Variants in SLC33A1 observed in about 807,000 individuals in gnomAD.
SLC33A1 encodes acetyl-coenzyme A transporter 1.
Under a neutral mutation model 50.0 loss-of-function variants are expected in SLC33A1, and 20 were observed. That is an observed-to-expected ratio of 0.40 (90% CI 0.28 to 0.58). SLC33A1 has a LOEUF of 0.58. Among genes scored for constraint, SLC33A1 ranks in the 20% least tolerant of loss-of-function variants. The pLI, the probability that SLC33A1 is intolerant of heterozygous loss-of-function variation, is 0.44. For missense variants in SLC33A1, 476 were observed against 657.0 expected (o/e 0.72, Z 3.01); for synonymous variants, 265 against 251.8 (o/e 1.05, Z -0.50).
intron 1 of SLC33A1, chr3:155,843,127 C>T (rs1017871759): frequency 1.3e-5 from 2 of 151,080 alleles, no homozygotes; most frequent in Admixed American, 6.6e-5. Context: ...AAATAGGTGA[C>T]AACAACAACC....
chr3:155,843,561 A>T (rs546424468), intron 1 of SLC33A1, among the ~76,000 whole-genome samples: 10 of 152,328 alleles, frequency 6.6e-5, no homozygotes, highest in African/African-American at 2.4e-4. Context: ...AATGGTCTGG[A>T]AGATTCTGCT....
Position 155,842,430 on chromosome 3 carries a change from A to G in SLC33A1, c.963+2T>C. The G allele has an allele frequency of 6.3e-7, 1 of 1,589,788 alleles. No individual in the cohort carries two copies. Among genetic ancestry groups the G allele is most frequent in the Non-Finnish European group, 8.6e-7 (1 of 1,159,468 alleles). ...GATAAATTTGATTTATAAATCTCTT[A>G]CCTTTGCAGTTAGAATCAGAAGGCA... is the stretch of plus-strand genomic sequence containing the variant. On this transcript the variant is annotated splice_donor_variant, in intron 2 of 5. Coordinates refer to ENST00000643144, the MANE Select transcript of SLC33A1 (RefSeq NM_004733.4). LOFTEE classifies it high-confidence loss of function.
rs1486304806 is a variant in SLC33A1, at chr3:155,822,197, C to T, written c.*6013G>A. On this transcript the variant is annotated 3_prime_UTR_variant, in exon 6 of 6. Transcript: ENST00000643144. ...TGACTACAAAATTAAACTTTTCCAA[C>T]ATTTAAGATCATTTCAAGGAAAATA... The T allele has an allele frequency of 2.0e-5, 3 of 152,234 alleles. No homozygotes were observed. Among genetic ancestry groups the T allele is most frequent in the South Asian group, 2.1e-4 (1 of 4,826 alleles). 9.4% of individuals were successfully genotyped at this position (152,234 alleles called of 1,614,324 possible).
intron 4 of SLC33A1, among the ~76,000 whole-genome samples, chr3:155,831,818 T>C (rs73873428): frequency 0.016 from 2,467 of 152,282 alleles, 77 homozygotes; most frequent in African/African-American, 0.056. Flanking sequence ...TTTATAAGCA[T>C]AGAATTTAGT....
At chr3:155,839,931 T>C (rs996902533) in intron 2 of SLC33A1, among the ~76,000 whole-genome samples, 1 of 151,434 alleles carries the variant, frequency 6.6e-6, no homozygotes, top group African/African-American at 2.4e-5. Flanking sequence ...GGCAACAGAG[T>C]GAGACTCAGT....
chr3:155,824,392 G>C lies in SLC33A1; in HGVS notation c.*3818C>G, dbSNP rs956904351. The stretch of plus-strand genomic sequence containing the variant: ...AATGGTCTCAACCATTTAATACAAA[G>C]CAACATACTTTCTCAGGTTTCTGTT... On this transcript the variant is annotated 3_prime_UTR_variant, in exon 6 of 6. Transcript: ENST00000643144. 7 of 151,904 alleles carry C rather than the reference G, an allele frequency of 4.6e-5. No homozygotes were observed. Among genetic ancestry groups the C allele is most frequent in the Non-Finnish European group, 7.4e-5 (5 of 67,972 alleles). The allele number at this position is 151,904 out of a possible 1,614,324, so 9.4% of individuals were successfully genotyped here.
Position 155,828,143 on chromosome 3 carries a change from T to C in SLC33A1, c.*67A>G. On this transcript the variant is annotated 3_prime_UTR_variant, in exon 6 of 6. Coordinates refer to ENST00000643144, the MANE Select transcript of SLC33A1 (RefSeq NM_004733.4). ...AATATTTTATACTCCTGTGCACTGA[T>C]TATCATTGCTCTCCGAATTAAAACT... The C allele has an allele frequency of 1.8e-6, 2 of 1,135,014 alleles. No individual in the cohort carries two copies. Among genetic ancestry groups the C allele is most frequent in the Admixed American group, 1.7e-5 (1 of 59,374 alleles). 70.3% of individuals were successfully genotyped at this position (1,135,014 alleles called of 1,614,324 possible). A position where few individuals can be genotyped will look rare whatever the true frequency, so the allele number is the denominator to read the frequency against.
Position 155,829,749 on chromosome 3 carries a change from AG to A in SLC33A1, c.1420del (p.Leu474SerfsTer3). ...STVALWLVDPLTVKECVGASN... is the reference protein window; with the variant it reads ...STVALWLVDPXTVKECVGASN... ...TGCTCCTACACACTCTTTTACTGTG[AG>A]GGGATCTACAAGCCAAAGAGCTACT... On this transcript the variant is annotated frameshift_variant, in exon 5 of 6. Transcript: ENST00000643144. LOFTEE classifies it high-confidence loss of function. 2 of 1,614,132 alleles carry A rather than the reference AG, an allele frequency of 1.2e-6. No individual in the cohort carries two copies. Among genetic ancestry groups the A allele is most frequent in the Non-Finnish European group, 1.7e-6 (2 of 1,180,012 alleles).
At position 155,827,538 on chromosome 3, in the gene SLC33A1, C is replaced by T. The variant is rs1425986998; in HGVS notation, c.*672G>A. 6.6e-6 allele frequency: 1 copy of T among 152,078 alleles called. No homozygotes were observed. 9.4% of individuals were successfully genotyped at this position (152,078 alleles called of 1,614,324 possible). A position where few individuals can be genotyped will look rare whatever the true frequency, so the allele number is the denominator to read the frequency against. ...AAGAGGAATCAATAAGTTTAAAAAT[C>T]ATAACTTTCATTTTATAAAAAATAG... On this transcript the variant is annotated 3_prime_UTR_variant, in exon 6 of 6. Transcript: ENST00000643144.
chr3:155,826,955 C>T lies in SLC33A1; in HGVS notation c.*1255G>A, dbSNP rs1204590473. ...TAATCTCTAAAGAGTCAGAGTAATA[C>T]ATAACACAAAACATGCAAAGAACCT... On this transcript the variant is annotated 3_prime_UTR_variant, in exon 6 of 6. Coordinates refer to ENST00000643144, the MANE Select transcript of SLC33A1 (RefSeq NM_004733.4). The T allele has an allele frequency of 1.3e-5, 2 of 152,266 alleles. No homozygotes were observed. Among genetic ancestry groups the T allele is most frequent in the Non-Finnish European group, 2.9e-5 (2 of 68,018 alleles). 9.4% of individuals were successfully genotyped at this position (152,266 alleles called of 1,614,324 possible). A position where few individuals can be genotyped will look rare whatever the true frequency, so the allele number is the denominator to read the frequency against.
rs2107980885 is a variant in SLC33A1 at position 155,842,524 on chromosome 3, T to C, written c.871A>G (p.Thr291Ala). 1 of 1,609,724 alleles carries C rather than the reference T, an allele frequency of 6.2e-7. No homozygotes were observed. The highest frequency in any genetic ancestry group is 1.1e-5 in the South Asian group (1 of 90,500). The change falls in exon 2 of 6, where the codon ACA (threonine) becomes GCA (alanine). Residue 291 changes from threonine (T) to alanine (A), a missense_variant. By Grantham distance (58) the Thr-to-Ala change is moderately conservative. Coordinates refer to ENST00000643144, the MANE Select transcript of SLC33A1 (RefSeq NM_004733.4). ...ENEVSVVKEE[T>A]QGITDTYKLL... ...TTGTAAGTATCTGTGATCCCTTGTG[T>C]TTCTTCTTTTACTACTGATACTTCG...
chr3:155,847,674 G>A (rs1011080460), intron 1 of SLC33A1, among the ~76,000 whole-genome samples: 2 of 151,846 alleles, frequency 1.3e-5, no homozygotes, highest in African/African-American at 4.8e-5. Flanking sequence ...CTTGAACCTG[G>A]GAGGCAGAAG....
At chr3:155,853,066 A>T in intron 1 of SLC33A1, 157 bp downstream of exon 1, 1 of 677,060 alleles carries the variant, frequency 1.5e-6, no homozygotes, top group Admixed American at 2.8e-5. Flanking sequence ...TTTTGGCTTT[A>T]ATATTTCAAA....
chr3:155,836,214 G>A (rs1464562946), intron 2 of SLC33A1, among the ~76,000 whole-genome samples: 1 of 140,448 alleles, frequency 7.1e-6, no homozygotes, highest in African/African-American at 2.6e-5. Flanking sequence ...AACCTGGGAG[G>A]TGGAAGTTGC....
chr3:155,853,587 G>A lies in SLC33A1; in HGVS notation c.411C>T (p.Phe137=). 1.2e-6 allele frequency: 2 copies of A among 1,614,180 alleles called. No homozygotes were observed. Among genetic ancestry groups the A allele is most frequent in the Non-Finnish European group, 1.7e-6 (2 of 1,180,046 alleles). ...PLVDAVYVKN[F]GRRKSWLVPT... ...GGACAAGCCAAGATTTGCGACGACC[G>A]AAGTTCTTAACGTAGACCGCATCAA... is the stretch of plus-strand genomic sequence containing the variant. Residue 137 remains phenylalanine (F), a synonymous_variant, in exon 1 of 6, where the codon TTC becomes TTT. Transcript: ENST00000643144.
intron 2 of SLC33A1, among the ~76,000 whole-genome samples, chr3:155,837,292 C>T (rs2109320683): frequency 6.9e-6 from 1 of 143,902 alleles, no homozygotes; most frequent in Non-Finnish European, 1.5e-5. Context: ...GGAGGCAGAG[C>T]TTGCAGTGAG....
In SLC33A1 at chr3:155,829,713, T is replaced by C. The variant is rs745849692; in HGVS notation, c.1457A>G (p.Asn486Ser). The C allele has an allele frequency of 2.4e-5, 38 of 1,613,722 alleles. No individual in the cohort carries two copies. The highest frequency in any genetic ancestry group is 2.9e-5 in the Non-Finnish European group (34 of 1,179,754). ...CTCAACAGCATCAGGTGTTCGACAA[T>C]TCTGGTTTGATGCTCCTACACACTC... ...VKECVGASNQ[N>S]CRTPDAVELC... The change falls in exon 5 of 6, where the codon AAT (asparagine) becomes AGT (serine). Residue 486 changes from asparagine (N) to serine (S), a missense_variant. Coordinates refer to ENST00000643144, the MANE Select transcript of SLC33A1 (RefSeq NM_004733.4).
intron 2 of SLC33A1, among the ~76,000 whole-genome samples, chr3:155,839,899 C>T (rs1228489257): frequency 1.3e-5 from 2 of 151,182 alleles, no homozygotes; most frequent in East Asian, 3.9e-4. Flanking sequence ...GAGCAGAGAT[C>T]GCGCCACTGT....
chr3:155,845,453 A>G (rs1560020804), intron 1 of SLC33A1, among the ~76,000 whole-genome samples: 1 of 152,098 alleles, frequency 6.6e-6, no homozygotes. Flanking sequence ...CAGCCTCCCA[A>G]AATGTTGAGA....
Sources: gnomAD v4.1 joint callset for allele counts (sites outside exome capture counted in the v4.1 genomes callset) on GRCh38, gnomAD v4.1.1 for gene constraint, MANE v1.5 for transcripts, NCBI Gene and HGNC (gene_info 2026-07-23, HGNC 2026-07-21) for gene names.